COL1A2: variants seen among roughly 807,000 people sequenced by gnomAD.
COL1A2 encodes the protein collagen alpha-2(I) chain.
Under a neutral mutation model 174.3 loss-of-function variants are expected in COL1A2, and 49 were observed. The observed-to-expected ratio is 0.28, with a 90% CI of 0.22 to 0.36. The LOEUF (loss-of-function observed/expected upper bound fraction) is 0.36, where lower values mean the gene tolerates loss of function less well. Ranked by LOEUF, COL1A2 falls within the 10% of genes least tolerant of loss-of-function variation. The pLI, the probability that COL1A2 is intolerant of heterozygous loss-of-function variation, is 1.00. For synonymous variants in COL1A2, 655 were observed against 606.6 expected (o/e 1.08, Z -1.17); for missense variants, 1,438 against 1,822.7 (o/e 0.79, Z 3.84).
At chr7:94,425,083 G>A (rs1162418992) in intron 41 of COL1A2, 34 bp from the exon 42 acceptor site, 9 of 1,578,768 alleles carry the variant, frequency 5.7e-6, no homozygotes, top group Non-Finnish European at 7.8e-6. Context: ...CATCGAATAA[G>A]GGGAATGTCA....
Position 94,426,448 on chromosome 7 carries a change from A to C in COL1A2, c.3023A>C (p.Lys1008Thr). The C allele has an allele frequency of 2.5e-6, 4 of 1,604,642 alleles. No individual in the cohort carries two copies. Among genetic ancestry groups the C allele is most frequent in the Non-Finnish European group, 3.4e-6 (4 of 1,175,916 alleles). ...PSGPQGIRGD[K>T]GEPGEKGPRG... is the part of the protein sequence containing the mutation. ...GGCCCACAAGGCATTCGTGGCGATA[A>C]GGGAGAGCCCGGTGAAAAGGGGCCC... is the stretch of plus-strand genomic sequence containing the variant. The change falls in exon 46 of 52, where the codon AAG becomes ACG. Residue 1008 changes from lysine (K) to threonine (T), a missense_variant. Physicochemically the swap from Lys to Thr is moderately conservative, Grantham distance 78. Coordinates refer to ENST00000297268, the MANE Select transcript of COL1A2 (RefSeq NM_000089.4).
Position 94,415,229 on chromosome 7 carries a change from C to T in COL1A2, c.1723C>T (p.Leu575Phe). The T allele has an allele frequency of 3.7e-6, 6 of 1,613,494 alleles. No homozygotes were observed. Among genetic ancestry groups the T allele is most frequent in the Non-Finnish European group, 4.2e-6 (5 of 1,179,430 alleles). ...TTTATTCTCATGTTTTGTCTAGGGT[C>T]TCCATGGTGAGTTTGGTCTCCCTGG... Reference protein sequence around the residue: ...GEVGKPGERGLHGEFGLPGPA... With the variant: ...GEVGKPGERGFHGEFGLPGPA... The change falls in exon 30 of 52, where the codon CTC becomes TTC. Residue 575 changes from leucine (L) to phenylalanine (F), a missense_variant. Physicochemically the swap from Leu to Phe is conservative, Grantham distance 22. Coordinates refer to ENST00000297268, the MANE Select transcript of COL1A2 (RefSeq NM_000089.4).
At chr7:94,421,808 G>A (rs967093360) in intron 38 of COL1A2, 91 bp from the exon 39 acceptor site, 33 of 651,030 alleles carry the variant, frequency 5.1e-5, no homozygotes, top group Non-Finnish European at 7.6e-5. Flanking sequence ...CTGGTCACAT[G>A]TACTGATTTT....
chr7:94,416,620 T>C (rs1792046875), intron 31 of COL1A2, 117 bp downstream of exon 31: 1 of 809,550 alleles, frequency 1.2e-6, no homozygotes, highest in Non-Finnish European at 2.1e-6. Context: ...AGTTCTGTGA[T>C]GACTTCCCTC....
intron 4 of COL1A2, 198 bp from the exon 5 acceptor site, chr7:94,399,993 ACTACC>A: frequency 1.4e-6 from 1 of 721,092 alleles, no homozygotes; most frequent in South Asian, 1.4e-5. Context: ...CTTTAGGAAA[ACTACC>A]CTGTGATATC....
chr7:94,420,398 G>A lies in COL1A2; in HGVS notation c.2141G>A (p.Arg714His), dbSNP rs773392397. The A allele has an allele frequency of 1.3e-5, 21 of 1,614,038 alleles. No homozygotes were observed. Among genetic ancestry groups the A allele is most frequent in the South Asian group, 8.8e-5 (8 of 91,090 alleles). Residue 714 changes from arginine (R) to histidine (H), a missense_variant, in exon 36 of 52, where the codon CGT becomes CAT. Physicochemically the swap from Arg to His is conservative, Grantham distance 29. Around this residue, in one of 3 missense-constraint regions of COL1A2, gnomAD observed 867 missense variants for 1,213.7 expected, o/e 0.71. Coordinates refer to ENST00000297268, the MANE Select transcript of COL1A2 (RefSeq NM_000089.4). ...ATCCCTTCTCCCACCTAGGGTGAAC[G>A]TGGTGAGGTCGGTCCTGCTGGCCCC... ...PAGPRGSPGE[R>H]GEVGPAGPNG... is the part of the protein sequence containing the mutation.
At position 94,421,794 on chromosome 7, in the gene COL1A2, A is replaced by G. The variant is rs766118602; in HGVS notation, c.2350-105A>G. On this transcript the variant is annotated intron_variant, in intron 38 of 51. Transcript: ENST00000297268. ...CTGCCTACCTCCTACTCCTTGGTCT[A>G]TTCCTGGTCACATGTACTGATTTTC... The G allele has an allele frequency of 5.8e-5, 34 of 582,336 alleles. No individual in the cohort carries two copies. In the South Asian group the frequency reaches 6.7e-4, roughly 12 times the overall value. 36.1% of individuals were successfully genotyped at this position (582,336 alleles called of 1,614,324 possible). A position where few individuals can be genotyped will look rare whatever the true frequency, so the allele number is the denominator to read the frequency against.
In COL1A2 at chr7:94,430,848, G is replaced by C. The variant is rs1331678773; in HGVS notation, c.*455G>C. The stretch of plus-strand genomic sequence containing the variant: ...TAGACAGAGATGAACTGAGGTCCTT[G>C]TTTTGTTTTGTTCATAATACAAAGG... On this transcript the variant is annotated 3_prime_UTR_variant, in exon 52 of 52. Coordinates refer to ENST00000297268, the MANE Select transcript of COL1A2 (RefSeq NM_000089.4). 2 of 171,486 alleles carry C rather than the reference G, an allele frequency of 1.2e-5. No homozygotes were observed. Among genetic ancestry groups the C allele is most frequent in the African/African-American group, 4.8e-5 (2 of 41,518 alleles). 10.6% of individuals were successfully genotyped at this position (171,486 alleles called of 1,614,324 possible).
chr7:94,428,105 G>T (rs540858869), intron 49 of COL1A2, among the ~76,000 whole-genome samples, 188 bp from the exon 50 acceptor site: 1 of 152,192 alleles, frequency 6.6e-6, no homozygotes, highest in South Asian at 2.1e-4. Flanking sequence ...ACCCTGATTT[G>T]ATTTTTCATG....
chr7:94,399,734 T>C (rs1362445243), intron 4 of COL1A2, among the ~76,000 whole-genome samples: 2 of 152,172 alleles, frequency 1.3e-5, no homozygotes, highest in South Asian at 2.1e-4. Flanking sequence ...TGATAGTAAA[T>C]CTGCAGGATT....
At chr7:94,401,158 G>A (rs779261313) in intron 5 of COL1A2, among the ~76,000 whole-genome samples, 5 of 147,404 alleles carry the variant, frequency 3.4e-5, no homozygotes, top group African/African-American at 1.3e-4. Context: ...GTGTAGCTCC[G>A]GTGGGGAAGG....
chr7:94,418,147 C>T (rs767613149), intron 32 of COL1A2, among the ~76,000 whole-genome samples: 1 of 152,182 alleles, frequency 6.6e-6, no homozygotes, highest in Non-Finnish European at 1.5e-5. Flanking sequence ...GTCAACCATG[C>T]TGCTGCATTA....
intron 39 of COL1A2, chr7:94,422,189 C>A (rs1468507818): frequency 5.7e-5 from 16 of 281,750 alleles, no homozygotes; most frequent in Non-Finnish European, 7.8e-5. Context: ...GGGGCATGGT[C>A]TTTTTGAAAA....
At chr7:94,414,630 C>T (rs899245646) in intron 29 of COL1A2, among the ~76,000 whole-genome samples, 5 of 152,080 alleles carry the variant, frequency 3.3e-5, no homozygotes, top group African/African-American at 9.7e-5. Flanking sequence ...AACTAGATCC[C>T]GAAAAATTCC....
rs765215664 is a variant in COL1A2 at position 94,417,741 on chromosome 7, T to C, written c.1881T>C (p.Val627=). ...GACTCAAGGGTGAACCTGGTGTGGT[T>C]GGTGCTGTGGGCACTGCTGGTCCAT... ...PDGNKGEPGV[V]GAVGTAGPSG... The change falls in exon 32 of 52, where the codon GTT becomes GTC. Residue 627 remains valine (V), a synonymous_variant. Coordinates refer to ENST00000297268, the MANE Select transcript of COL1A2 (RefSeq NM_000089.4). The C allele has an allele frequency of 1.9e-6, 3 of 1,596,828 alleles. No individual in the cohort carries two copies. The Admixed American group carries it at 5.2e-5, about 28-fold the overall frequency.
chr7:94,410,192 A>G (rs1306022302), intron 19 of COL1A2, 50 bp from the exon 20 acceptor site: 2 of 1,572,706 alleles, frequency 1.3e-6, no homozygotes, highest in Non-Finnish European at 1.7e-6. Context: ...TCTGCAAGAG[A>G]GTTTCAACAA....
chr7:94,428,144 C>A, intron 49 of COL1A2, 149 bp from the exon 50 acceptor site: 1 of 840,292 alleles, frequency 1.2e-6, no homozygotes, highest in Non-Finnish European at 1.9e-6. Flanking sequence ...ACTGTCTAAT[C>A]TTAAAAATAG....
chr7:94,414,072 AT>A (rs1302239906), intron 28 of COL1A2, 125 bp downstream of exon 28: 2 of 1,334,726 alleles, frequency 1.5e-6, no homozygotes, highest in Admixed American at 1.8e-5. Context: ...AGAAAGGTGC[AT>A]TTTTTTCAAA....
At chr7:94,426,688 T>G (rs1369951502) in intron 46 of COL1A2, 158 bp downstream of exon 46, 1 of 725,882 alleles carries the variant, frequency 1.4e-6, no homozygotes. Flanking sequence ...GGTAATGCTA[T>G]TTCATACCAA....
Sources: allele counts gnomAD v4.1 joint callset (sites outside exome capture counted in the v4.1 genomes callset), GRCh38; gene constraint gnomAD v4.1.1; regional missense constraint gnomAD v4.1.1; transcripts MANE v1.5; gene names NCBI Gene and HGNC (gene_info 2026-07-23, HGNC 2026-07-21).